The following DOK5 variants were observed in gnomAD, a reference collection of about 807,000 sequenced individuals.
DOK5 encodes the protein docking protein 5.
In DOK5, 27 loss-of-function variants were observed where a neutral mutation model predicts 43.3. The ratio of observed to expected loss-of-function variants is 0.62; its 90% CI spans 0.46 to 0.86. The LOEUF is 0.86. Among genes scored for constraint, DOK5 ranks in the 40% least tolerant of loss-of-function variants. DOK5 has a pLI of 0.00. For missense variants in DOK5, 373 were observed against 392.9 expected (o/e 0.95, Z 0.43); for synonymous variants, 146 against 140.1 (o/e 1.04, Z -0.30).
At chr20:54,489,564 ATTAT>A (rs1168159557) in intron 1 of DOK5, among the ~76,000 whole-genome samples, 3 of 151,962 alleles carry the variant, frequency 2.0e-5, no homozygotes, top group Non-Finnish European at 4.4e-5. Context: ...ATTTTATTTG[ATTAT>A]TTATTTATTC....
chr20:54,562,474 A>C (rs1180519330), intron 2 of DOK5, among the ~76,000 whole-genome samples: 1 of 152,152 alleles, frequency 6.6e-6, no homozygotes, highest in African/African-American at 2.4e-5. Context: ...GCTAGAGTGC[A>C]GTGGTGCTAT....
At chr20:54,540,964 T>A (rs987923712) in intron 1 of DOK5, among the ~76,000 whole-genome samples, 10 of 152,204 alleles carry the variant, frequency 6.6e-5, no homozygotes, top group Non-Finnish European at 1.5e-4. Context: ...TTCTTCATTA[T>A]GCTATTAAAT....
intron 6 of DOK5, among the ~76,000 whole-genome samples, chr20:54,629,237 T>G (rs1978452832): frequency 6.6e-6 from 1 of 152,220 alleles, no homozygotes; most frequent in South Asian, 2.1e-4. Flanking sequence ...AGAGGAGTAA[T>G]GCACTTAACA....
intron 6 of DOK5, among the ~76,000 whole-genome samples, chr20:54,641,444 T>A (rs757112141): frequency 6.6e-6 from 1 of 152,094 alleles, no homozygotes; most frequent in Non-Finnish European, 1.5e-5. Flanking sequence ...GAAACTACCA[T>A]GCTGAGGGGA....
At chr20:54,538,205 C>CT (rs201764762) in intron 1 of DOK5, among the ~76,000 whole-genome samples, 7,801 of 141,918 alleles carry the variant, frequency 0.055, 215 homozygotes, top group East Asian at 0.11. Flanking sequence ...TTATTATGCA[C>CT]TTTTTTTTTT....
chr20:54,588,227 A>G (rs1306329438), intron 2 of DOK5, among the ~76,000 whole-genome samples: 1 of 152,240 alleles, frequency 6.6e-6, no homozygotes, highest in East Asian at 1.9e-4. Context: ...TACCTCTGTG[A>G]AGTTTTAAGC....
intron 5 of DOK5, among the ~76,000 whole-genome samples, chr20:54,600,630 G>A (rs1332719148): frequency 6.6e-6 from 1 of 152,110 alleles, no homozygotes; most frequent in Non-Finnish European, 1.5e-5. Context: ...CATTACACAT[G>A]GAGCATTGCC....
intron 6 of DOK5, among the ~76,000 whole-genome samples, chr20:54,621,373 G>A (rs145590198): frequency 9.2e-5 from 14 of 152,326 alleles, no homozygotes; most frequent in African/African-American, 3.1e-4. Context: ...GAGAGAGGGA[G>A]GGTTCTTTCA....
intron 5 of DOK5, 36 bp downstream of exon 5, chr20:54,591,841 TTGTG>T: frequency 6.4e-7 from 1 of 1,573,832 alleles, no homozygotes; most frequent in Non-Finnish European, 8.6e-7. Context: ...ATTTTTCTGT[TTGTG>T]TGTGTGTGTG....
rs1440872850 is a variant in DOK5, at chr20:54,562,255, A to G, written c.174+7215A>G. On this transcript the variant is annotated intron_variant, in intron 2 of 7. Transcript: ENST00000262593. Reference sequence around the variant, plus strand: ...AAATGATTCTTGGCCTACTTATACTAGTATTGCATAGTAGAAATGTTAGGG... The same window carrying G: ...AAATGATTCTTGGCCTACTTATACTGGTATTGCATAGTAGAAATGTTAGGG... Among the ~76,000 whole-genome samples the G allele has an allele frequency of 3.9e-5, 6 of 152,270 alleles. No individual in the cohort carries two copies. The East Asian group carries it at 1.2e-3, about 29-fold the overall frequency.
chr20:54,550,831 C>T (rs913271631), intron 1 of DOK5, among the ~76,000 whole-genome samples: 21 of 152,000 alleles, frequency 1.4e-4, no homozygotes, highest in South Asian at 6.2e-4. Flanking sequence ...TTCCAGGTTT[C>T]GGCTATTTTG....
chr20:54,604,032 C>T (rs1444140267), intron 5 of DOK5, among the ~76,000 whole-genome samples: 2 of 148,046 alleles, frequency 1.4e-5, no homozygotes, highest in Non-Finnish European at 1.5e-5. Context: ...CTGCAAGCTC[C>T]GCCTCCCGGG....
intron 2 of DOK5, among the ~76,000 whole-genome samples, chr20:54,565,753 TG>T (rs1235398445): frequency 6.6e-6 from 1 of 152,220 alleles, no homozygotes; most frequent in African/African-American, 2.4e-5. Context: ...TCGGGCGCAG[TG>T]GCTCAGGCCT....
rs367782848 is a variant in DOK5, at chr20:54,606,713, G to A, written c.600-3675G>A. On this transcript the variant is annotated intron_variant, in intron 5 of 7. Coordinates refer to ENST00000262593, the MANE Select transcript of DOK5 (RefSeq NM_018431.5). Reference sequence around the variant, plus strand: ...AAACGGTTCCAAACACATCAATTAGGAGGGGTGGATAAGATAAAAGGACTT... The same window carrying A: ...AAACGGTTCCAAACACATCAATTAGAAGGGGTGGATAAGATAAAAGGACTT... Among the ~76,000 whole-genome samples, 3 of 152,278 alleles carry A rather than the reference G, an allele frequency of 2.0e-5. No individual in the cohort carries two copies. In the East Asian group the frequency reaches 5.8e-4, roughly 29 times the overall value.
intron 6 of DOK5, among the ~76,000 whole-genome samples, chr20:54,632,141 A>G (rs1295324139): frequency 6.6e-6 from 1 of 152,232 alleles, no homozygotes; most frequent in Non-Finnish European, 1.5e-5. Flanking sequence ...GTGAGGGCTT[A>G]GAGCTTTTTT....
At chr20:54,582,876 A>G (rs947468093) in intron 2 of DOK5, among the ~76,000 whole-genome samples, 10 of 151,796 alleles carry the variant, frequency 6.6e-5, no homozygotes, top group Non-Finnish European at 1.3e-4. Context: ...ATTTAGTTCT[A>G]ATCTAATTTT....
intron 1 of DOK5, among the ~76,000 whole-genome samples, chr20:54,548,229 T>TTTGA (rs370730356): frequency 6.8e-4 from 102 of 149,436 alleles, no homozygotes; most frequent in African/African-American, 2.4e-3. Flanking sequence ...ATTACCTATC[T>TTTGA]TTTATTTATT....
At chr20:54,569,240 A>G (rs944273341) in intron 2 of DOK5, among the ~76,000 whole-genome samples, 9 of 152,198 alleles carry the variant, frequency 5.9e-5, no homozygotes, top group South Asian at 2.1e-4. Context: ...TCTTGCGTAA[A>G]TTATAGTGGC....
intron 1 of DOK5, among the ~76,000 whole-genome samples, chr20:54,529,964 A>T (rs1169365250): frequency 6.6e-6 from 1 of 152,222 alleles, no homozygotes. Context: ...TTGTTTATCT[A>T]TTCATCCATT....
Sources: allele counts gnomAD v4.1 joint callset (sites outside exome capture counted in the v4.1 genomes callset), GRCh38; gene constraint gnomAD v4.1.1; transcripts MANE v1.5; gene names NCBI Gene and HGNC (gene_info 2026-07-23, HGNC 2026-07-21).